PRR16: variants seen among roughly 807,000 people sequenced by gnomAD.
PRR16 encodes the protein protein Largen.
PRR16 carries 6 observed loss-of-function variants against 18.2 expected under a neutral mutation model. That is an observed-to-expected ratio of 0.33 (90% CI 0.18 to 0.65). The LOEUF (loss-of-function observed/expected upper bound fraction) is 0.65, where lower values mean the gene tolerates loss of function less well. PRR16 is among the 30% of genes least tolerant of loss of function. PRR16 has a pLI of 0.74. For synonymous variants in PRR16, 151 were observed against 147.8 expected, an observed-to-expected ratio of 1.02 and a Z score of -0.16; for missense variants, 412 against 376.6, an observed-to-expected ratio of 1.09 and a Z score of -0.78.
intron 1 of PRR16, among the ~76,000 whole-genome samples, chr5:120,634,104 T>C (rs1229247223): frequency 6.6e-6 from 1 of 152,080 alleles, no homozygotes; most frequent in Non-Finnish European, 1.5e-5. Context: ...GAAATAAAAC[T>C]GGAAATCAAC....
chr5:120,619,754 C>G (rs752520715), intron 1 of PRR16, among the ~76,000 whole-genome samples: 2 of 151,962 alleles, frequency 1.3e-5, no homozygotes, highest in Non-Finnish European at 2.9e-5. Flanking sequence ...CTAAACTAAT[C>G]TAATCAATTA....
intron 1 of PRR16, among the ~76,000 whole-genome samples, chr5:120,653,871 C>T (rs565867596): frequency 6.6e-5 from 10 of 152,072 alleles, no homozygotes; most frequent in African/African-American, 2.2e-4. Context: ...TAGCTTAAAC[C>T]TCTTTCATGA....
intron 1 of PRR16, among the ~76,000 whole-genome samples, chr5:120,536,504 C>G (rs536744151): frequency 2.6e-5 from 4 of 152,184 alleles, no homozygotes; most frequent in African/African-American, 9.6e-5. Flanking sequence ...CCAAAAATGT[C>G]TCTTTTTTTT....
chr5:120,557,279 T>C (rs1326547112), intron 1 of PRR16, among the ~76,000 whole-genome samples: 1 of 151,950 alleles, frequency 6.6e-6, no homozygotes, highest in Non-Finnish European at 1.5e-5. Flanking sequence ...AATTGTAAAA[T>C]TGAAATTCTA....
chr5:120,581,089 A>G (rs1753256093), intron 1 of PRR16, among the ~76,000 whole-genome samples: 1 of 152,208 alleles, frequency 6.6e-6, no homozygotes, highest in Non-Finnish European at 1.5e-5. Flanking sequence ...TAGTTTCAGA[A>G]AGAATGGTAC....
the PRR16 span, among the ~76,000 whole-genome samples, chr5:120,785,451 T>C: frequency 1.3e-5 from 2 of 152,132 alleles, no homozygotes; most frequent in Non-Finnish European, 2.9e-5. Context: ...TTTCTTTTGT[T>C]GGTATTGATT....
the PRR16 span, among the ~76,000 whole-genome samples, chr5:120,744,222 A>G: frequency 3.7e-4 from 57 of 152,114 alleles, no homozygotes; most frequent in Non-Finnish European, 5.1e-4. Context: ...ACAAGTTGGT[A>G]TGTGAAAGCG....
chr5:120,729,375 T>A, the PRR16 span, among the ~76,000 whole-genome samples: 2 of 152,018 alleles, frequency 1.3e-5, no homozygotes, highest in African/African-American at 4.8e-5. Flanking sequence ...GGCAGAACAA[T>A]ACTTATTTCT....
chr5:120,770,113 A>C, the PRR16 span, among the ~76,000 whole-genome samples: 1 of 151,944 alleles, frequency 6.6e-6, no homozygotes. Context: ...TTCATGTGAA[A>C]CCAGAAAAGA....
intron 1 of PRR16, among the ~76,000 whole-genome samples, chr5:120,481,729 G>A (rs552529284): frequency 2.6e-5 from 4 of 152,174 alleles, no homozygotes; most frequent in South Asian, 2.1e-4. Context: ...GTACTGTGTC[G>A]TAAAAACAGA....
At chr5:120,490,263 A>G (rs1483230818) in intron 1 of PRR16, among the ~76,000 whole-genome samples, 1 of 152,128 alleles carries the variant, frequency 6.6e-6, no homozygotes, top group Non-Finnish European at 1.5e-5. Flanking sequence ...TCTTGGTTCC[A>G]TTCTCCCCGT....
the PRR16 span, among the ~76,000 whole-genome samples, chr5:120,753,870 T>TAA: frequency 3.2e-5 from 4 of 126,658 alleles, no homozygotes; most frequent in Non-Finnish European, 6.4e-5. Flanking sequence ...ATCTTATATA[T>TAA]TATATATTTA....
intron 1 of PRR16, among the ~76,000 whole-genome samples, chr5:120,515,425 C>T (rs1292177279): frequency 6.6e-6 from 1 of 151,954 alleles, no homozygotes; most frequent in Non-Finnish European, 1.5e-5. Flanking sequence ...AACACAAGTC[C>T]CTTTCTAAAA....
At chr5:120,490,208 G>C (rs1395354431) in intron 1 of PRR16, among the ~76,000 whole-genome samples, 1 of 152,174 alleles carries the variant, frequency 6.6e-6, no homozygotes, top group South Asian at 2.1e-4. Flanking sequence ...TGCCTTGCTA[G>C]ATTGGGGAAG....
intron 1 of PRR16, among the ~76,000 whole-genome samples, chr5:120,570,682 T>G (rs894740314): frequency 6.6e-6 from 1 of 152,058 alleles, no homozygotes; most frequent in Non-Finnish European, 1.5e-5. Context: ...ATTAAGTACT[T>G]TGATGTATAT....
At chr5:120,527,807 A>G (rs183416214) in intron 1 of PRR16, among the ~76,000 whole-genome samples, 1 of 152,336 alleles carries the variant, frequency 6.6e-6, no homozygotes, top group Non-Finnish European at 1.5e-5. Context: ...GGGAGAGAAT[A>G]CATCAAAGGC....
chr5:120,709,588 T>C, the PRR16 span, among the ~76,000 whole-genome samples: 1 of 152,194 alleles, frequency 6.6e-6, no homozygotes, highest in African/African-American at 2.4e-5. Flanking sequence ...TTATTCTTTT[T>C]ATCTAGCTAT....
intron 1 of PRR16, among the ~76,000 whole-genome samples, chr5:120,650,645 A>G (rs1755750154): frequency 6.6e-6 from 1 of 152,100 alleles, no homozygotes; most frequent in African/African-American, 2.4e-5. Context: ...ATGTCCCTAC[A>G]AAGGACATGA....
intron 1 of PRR16, among the ~76,000 whole-genome samples, chr5:120,575,883 T>C (rs1165595558): frequency 1.3e-5 from 2 of 152,114 alleles, no homozygotes; most frequent in African/African-American, 4.8e-5. Flanking sequence ...AACACATCTA[T>C]AGCCAATTGA....
Sources: allele counts gnomAD v4.1 joint callset (sites outside exome capture counted in the v4.1 genomes callset), GRCh38; gene constraint gnomAD v4.1.1; transcripts MANE v1.5; gene names NCBI Gene and HGNC (gene_info 2026-07-23, HGNC 2026-07-21).